The following TRIM24 variants were observed in gnomAD, a reference collection of about 807,000 sequenced individuals.
TRIM24 encodes transcription intermediary factor 1-alpha.
Under a neutral mutation model 123.9 loss-of-function variants are expected in TRIM24, and 29 were observed. The observed-to-expected ratio is 0.23, with a 90% CI of 0.17 to 0.32. The LOEUF (loss-of-function observed/expected upper bound fraction) is 0.32, where lower values mean the gene tolerates loss of function less well. Ranked by LOEUF, TRIM24 falls within the 10% of genes least tolerant of loss-of-function variation. The pLI, the probability that TRIM24 is intolerant of heterozygous loss-of-function variation, is 1.00. For synonymous variants in TRIM24, 456 were observed against 461.1 expected (o/e 0.99, Z 0.14); for missense variants, 932 against 1,295.3 (o/e 0.72, Z 4.31).
intron 1 of TRIM24, among the ~76,000 whole-genome samples, chr7:138,464,262 C>T (rs1795083907): frequency 6.6e-6 from 1 of 151,882 alleles, no homozygotes; most frequent in Non-Finnish European, 1.5e-5. Context: ...CCCAGAAGTG[C>T]TGGGATTACA....
chr7:138,536,049 C>T (rs1184256411), intron 6 of TRIM24, among the ~76,000 whole-genome samples: 1 of 152,176 alleles, frequency 6.6e-6, no homozygotes, highest in African/African-American at 2.4e-5. Flanking sequence ...CTTCTTGTGC[C>T]ATGGTTTTCA....
chr7:138,529,061 T>G (rs1796672411), intron 5 of TRIM24, 55 bp from the exon 6 acceptor site: 1 of 1,118,026 alleles, frequency 8.9e-7, no homozygotes, highest in South Asian at 1.7e-5. Context: ...AAAACGTCAA[T>G]TTTAAATATT....
At chr7:138,557,332 G>A (rs1267125504) in intron 9 of TRIM24, among the ~76,000 whole-genome samples, 1 of 152,144 alleles carries the variant, frequency 6.6e-6, no homozygotes, top group Non-Finnish European at 1.5e-5. Context: ...TTAATGGAAA[G>A]CATCTCTATC....
At chr7:138,557,659 T>G (rs1006214590) in intron 9 of TRIM24, among the ~76,000 whole-genome samples, 3 of 152,216 alleles carry the variant, frequency 2.0e-5, no homozygotes, top group Non-Finnish European at 2.9e-5. Flanking sequence ...TCAATGACCT[T>G]TCCATTGTCA....
intron 9 of TRIM24, among the ~76,000 whole-genome samples, chr7:138,565,591 G>A (rs1052934516): frequency 7.2e-5 from 11 of 152,152 alleles, no homozygotes; most frequent in Admixed American, 3.9e-4. Flanking sequence ...AATCCCGGGC[G>A]AGCCCCCAGA....
chr7:138,539,209 T>G (rs1402833843), intron 7 of TRIM24, among the ~76,000 whole-genome samples: 3 of 152,106 alleles, frequency 2.0e-5, no homozygotes, highest in Non-Finnish European at 4.4e-5. Context: ...AGGCATGTGA[T>G]TATGTAACAT....
chr7:138,480,922 G>T (rs1563026152), intron 1 of TRIM24, among the ~76,000 whole-genome samples: 1 of 151,738 alleles, frequency 6.6e-6, no homozygotes, highest in South Asian at 2.1e-4. Context: ...TGAAGCACTT[G>T]TTTGAGTCTC....
chr7:138,528,786 C>A (rs1439490061), intron 5 of TRIM24, among the ~76,000 whole-genome samples: 16 of 91,162 alleles, frequency 1.8e-4, no homozygotes, highest in African/African-American at 2.6e-4. Flanking sequence ...CACCCCCACC[C>A]CCCCCCCCAT....
At position 138,579,326 on chromosome 7, in the gene TRIM24, C is replaced by G. The variant is rs1182954685; in HGVS notation, c.2379C>G (p.His793Gln). The G allele has an allele frequency of 1.2e-6, 2 of 1,614,176 alleles. No individual in the cohort carries two copies. Among genetic ancestry groups the G allele is most frequent in the East Asian group, 2.2e-5 (1 of 44,880 alleles). Residue 793 changes from histidine (H) to glutamine (Q), a missense_variant, in exon 15 of 19, where the codon CAC (histidine) becomes CAG (glutamine). Coordinates refer to ENST00000343526, the MANE Select transcript of TRIM24 (RefSeq NM_015905.3). The stretch of plus-strand genomic sequence containing the variant: ...GTACAGGAGATCAACCTGGACTTCA[C>G]CAGGACAATTCCTCAAATGGAAAGT... ...PDSTGDQPGLHQDNSSNGKSE... is the reference protein window; with the variant it reads ...PDSTGDQPGLQQDNSSNGKSE...
intron 9 of TRIM24, among the ~76,000 whole-genome samples, chr7:138,563,083 G>GT (rs1338886417): frequency 6.6e-6 from 1 of 152,168 alleles, no homozygotes; most frequent in Non-Finnish European, 1.5e-5. Context: ...TATGGATCGG[G>GT]TTACTACCAG....
rs775014972 is a variant in TRIM24, at chr7:138,460,589, C to T, written c.41C>T (p.Ala14Val). The change falls in exon 1 of 19, where the codon GCG becomes GTG. Residue 14 changes from alanine (A) to valine (V), a missense_variant. Transcript: ENST00000343526. ...AVEKAVAAAA[A>V]ASAAASGGPS... ...GAGAAGGCGGTGGCGGCGGCGGCAG[C>T]GGCCTCGGCTGCGGCCTCCGGGGGG... 2 of 1,316,208 alleles carry T rather than the reference C, an allele frequency of 1.5e-6. No individual in the cohort carries two copies. Among genetic ancestry groups the T allele is most frequent in the Non-Finnish European group, 9.6e-7 (1 of 1,043,008 alleles). 81.5% of individuals were successfully genotyped at this position (1,316,208 alleles called of 1,614,324 possible).
At chr7:138,496,274 G>A (rs1218758666) in intron 1 of TRIM24, among the ~76,000 whole-genome samples, 1 of 152,010 alleles carries the variant, frequency 6.6e-6, no homozygotes, top group Non-Finnish European at 1.5e-5. Context: ...TCATTTTGTG[G>A]TTTTTACTAT....
At position 138,585,030 on chromosome 7, in the gene TRIM24, T is replaced by A; in HGVS notation, c.*79T>A. The A allele has an allele frequency of 7.9e-7, 1 of 1,259,094 alleles. No individual in the cohort carries two copies. Among genetic ancestry groups the A allele is most frequent in the Non-Finnish European group, 1.1e-6 (1 of 906,484 alleles). The allele number at this position is 1,259,094 out of a possible 1,614,324, so 78.0% of individuals were successfully genotyped here. ...ACATTTGTCAGTAATTTAACATCAC[T>A]ACAAAAAGAAGAGTTTGTGACTATT... On this transcript the variant is annotated 3_prime_UTR_variant, in exon 19 of 19. Transcript: ENST00000343526.
At chr7:138,498,312 C>G (rs960812772) in intron 1 of TRIM24, among the ~76,000 whole-genome samples, 2 of 152,132 alleles carry the variant, frequency 1.3e-5, no homozygotes, top group Non-Finnish European at 2.9e-5. Context: ...GCAGCCTCTC[C>G]CTCCTGGGTT....
intron 14 of TRIM24, among the ~76,000 whole-genome samples, chr7:138,578,557 TGTGTGTGCGC>T (rs1021888294): frequency 2.3e-5 from 3 of 130,990 alleles, no homozygotes; most frequent in Admixed American, 8.3e-5. Context: ...TGTGTGTGTG[TGTGTGTGCGC>T]GCACGCACGA....
At chr7:138,538,587 A>G in intron 6 of TRIM24, 70 bp from the exon 7 acceptor site, 1 of 1,491,990 alleles carries the variant, frequency 6.7e-7, no homozygotes, top group South Asian at 1.2e-5. Context: ...TAATTTGTTT[A>G]CCTGGAAATG....
chr7:138,557,789 G>C (rs368387034), intron 9 of TRIM24, among the ~76,000 whole-genome samples: 1 of 151,130 alleles, frequency 6.6e-6, no homozygotes, highest in Non-Finnish European at 1.5e-5. Context: ...TTTGTGGCTT[G>C]TTAGGCCAGT....
intron 9 of TRIM24, among the ~76,000 whole-genome samples, chr7:138,560,822 G>A (rs1013608956): frequency 7.2e-5 from 11 of 152,172 alleles, no homozygotes; most frequent in Non-Finnish European, 1.5e-4. Context: ...TGGGACCTCT[G>A]GGAGGAGAGG....
At chr7:138,580,402 G>T (rs1797868015) in intron 15 of TRIM24, among the ~76,000 whole-genome samples, 160 bp from the exon 16 acceptor site, 1 of 152,034 alleles carries the variant, frequency 6.6e-6, no homozygotes, top group Admixed American at 6.6e-5. Flanking sequence ...TCTCAGCATG[G>T]TGCAGTATAC....
Sources: allele counts gnomAD v4.1 joint callset (sites outside exome capture counted in the v4.1 genomes callset), GRCh38; gene constraint gnomAD v4.1.1; transcripts MANE v1.5; gene names NCBI Gene and HGNC (gene_info 2026-07-23, HGNC 2026-07-21).